The following DNAJC12 variants were observed in gnomAD, a reference collection of about 807,000 sequenced individuals.
The protein encoded by DNAJC12 is DnaJ heat shock protein family (Hsp40) member C12.
Under a neutral mutation model 28.5 loss-of-function variants are expected in DNAJC12, and 25 were observed. The observed-to-expected ratio is 0.88, with a 90% confidence interval of 0.64 to 1.22. The LOEUF (loss-of-function observed/expected upper bound fraction) is 1.22, where lower values mean the gene tolerates loss of function less well. DNAJC12 is among the 50% of genes most tolerant of loss of function. DNAJC12 has a pLI of 0.00. For synonymous variants in DNAJC12, 77 were observed against 80.6 expected (o/e 0.95, Z 0.24); for missense variants, 222 against 231.7 (o/e 0.96, Z 0.27).
chr10:67,798,957 G>A (rs1199348197), intron 4 of DNAJC12, among the ~76,000 whole-genome samples: 2 of 151,852 alleles, frequency 1.3e-5, no homozygotes, highest in Non-Finnish European at 2.9e-5. Context: ...TAGAATCGGG[G>A]TTTCTCAATG....
At chr10:67,835,765 A>G (rs1400111618) in intron 1 of DNAJC12, among the ~76,000 whole-genome samples, 2 of 149,782 alleles carry the variant, frequency 1.3e-5, no homozygotes, top group Non-Finnish European at 3.0e-5. Context: ...TAAAGAAGTG[A>G]CAATATTATG....
intron 2 of DNAJC12, among the ~76,000 whole-genome samples, chr10:67,812,658 G>A (rs1334468084): frequency 5.5e-5 from 8 of 146,554 alleles, no homozygotes; most frequent in Admixed American, 6.9e-5. Context: ...GCCTGGCCAA[G>A]ATGGTGAAAC....
At chr10:67,828,023 G>T (rs192901019) in intron 1 of DNAJC12, among the ~76,000 whole-genome samples, 46 of 152,160 alleles carry the variant, frequency 3.0e-4, no homozygotes, top group Admixed American at 7.9e-4. Flanking sequence ...TGACACCCCC[G>T]ATGTCAAGGT....
At chr10:67,804,515 T>G (rs118058869) in intron 4 of DNAJC12, among the ~76,000 whole-genome samples, 1 of 152,182 alleles carries the variant, frequency 6.6e-6, no homozygotes, top group Non-Finnish European at 1.5e-5. Context: ...TGCACAACAA[T>G]GCACCTAGAT....
At chr10:67,805,167 C>G (rs1054051348) in intron 4 of DNAJC12, among the ~76,000 whole-genome samples, 19 of 152,128 alleles carry the variant, frequency 1.2e-4, no homozygotes, top group African/African-American at 4.6e-4. Flanking sequence ...TGGCTTTAAG[C>G]AAATTATTCA....
intron 2 of DNAJC12, among the ~76,000 whole-genome samples, chr10:67,819,640 A>AAAAGAAAG (rs201466779): frequency 1.1e-4 from 15 of 138,964 alleles, no homozygotes; most frequent in African/African-American, 4.1e-4. Context: ...CTGTCACAAA[A>AAAAGAAAG]AAAGAAAGAA....
intron 2 of DNAJC12, among the ~76,000 whole-genome samples, chr10:67,812,476 G>T (rs1841870470): frequency 6.6e-6 from 1 of 152,152 alleles, no homozygotes; most frequent in South Asian, 2.1e-4. Flanking sequence ...ACCTTTTATG[G>T]CTCTGTTAGA....
At chr10:67,826,573 AAT>A (rs1842032449) in intron 1 of DNAJC12, among the ~76,000 whole-genome samples, 1 of 139,686 alleles carries the variant, frequency 7.2e-6, no homozygotes, top group African/African-American at 2.6e-5. Context: ...TAATATATAT[AAT>A]ATATATCATC....
intron 4 of DNAJC12, among the ~76,000 whole-genome samples, chr10:67,798,576 G>A (rs1162918840): frequency 6.6e-6 from 1 of 151,958 alleles, no homozygotes; most frequent in African/African-American, 2.4e-5. Context: ...CAGCTACTCA[G>A]GAGACTAAGA....
intron 2 of DNAJC12, among the ~76,000 whole-genome samples, chr10:67,814,549 G>A (rs1841895236): frequency 6.6e-6 from 1 of 152,060 alleles, no homozygotes; most frequent in Admixed American, 6.6e-5. Context: ...GTGCCTCAAA[G>A]AATACCATGA....
At chr10:67,822,202 G>A (rs1841987805) in intron 2 of DNAJC12, among the ~76,000 whole-genome samples, 1 of 152,190 alleles carries the variant, frequency 6.6e-6, no homozygotes, top group Non-Finnish European at 1.5e-5. Context: ...TGGGGCAACA[G>A]AAGAGTCACA....
At position 67,811,563 on chromosome 10, in the gene DNAJC12, T is replaced by C. The variant is rs759047670; in HGVS notation, c.258A>G (p.Pro86=). ...DHWRRSQMSM[P]FQQWEALNDS... ...CATTCAAAGCTTCCCACTGCTGGAA[T>C]GGCATCGACATCTGGCTCCTTCGCC... The change falls in exon 3 of 5, where the codon CCA becomes CCG. Residue 86 remains proline, a synonymous_variant. Coordinates refer to ENST00000225171, the MANE Select transcript of DNAJC12 (RefSeq NM_021800.3). The C allele has an allele frequency of 3.7e-6, 6 of 1,614,228 alleles. No individual in the cohort carries two copies. The highest frequency in any genetic ancestry group is 5.1e-6 in the Non-Finnish European group (6 of 1,180,036).
At chr10:67,821,704 A>G (rs572422912) in intron 2 of DNAJC12, among the ~76,000 whole-genome samples, 1 of 152,322 alleles carries the variant, frequency 6.6e-6, no homozygotes, top group Non-Finnish European at 1.5e-5. Flanking sequence ...AAAATCTGCA[A>G]TGAGAAGCAC....
At chr10:67,831,838 T>C (rs1217779351) in intron 1 of DNAJC12, among the ~76,000 whole-genome samples, 1 of 152,202 alleles carries the variant, frequency 6.6e-6, no homozygotes, top group Non-Finnish European at 1.5e-5. Flanking sequence ...AAATACTTGA[T>C]CATAGACTGA....
At chr10:67,832,989 T>C (rs1428787038) in intron 1 of DNAJC12, among the ~76,000 whole-genome samples, 1 of 152,076 alleles carries the variant, frequency 6.6e-6, no homozygotes, top group Non-Finnish European at 1.5e-5. Flanking sequence ...CATGAGAAAA[T>C]ATCAAAGTCA....
chr10:67,811,665 T>A lies in DNAJC12; in HGVS notation c.158-2A>T, dbSNP rs775029664. ...TCTGCAGTTTCTGAAAAGTCTCCAC[T>A]GGAAAACAAATCAAGAAATGAGCAC... On this transcript the variant is annotated splice_acceptor_variant, in intron 2 of 4. Transcript: ENST00000225171. LOFTEE classifies it high-confidence loss of function. 4 of 1,610,172 alleles carry A rather than the reference T, an allele frequency of 2.5e-6. No individual in the cohort carries two copies. The highest frequency in any genetic ancestry group is 3.4e-6 in the Non-Finnish European group (4 of 1,178,182).
At chr10:67,805,965 T>C (rs1437174112) in intron 3 of DNAJC12, among the ~76,000 whole-genome samples, 178 bp from the exon 4 acceptor site, 1 of 152,248 alleles carries the variant, frequency 6.6e-6, no homozygotes, top group African/African-American at 2.4e-5. Context: ...AATCCAACTA[T>C]TAATAGTTAC....
intron 4 of DNAJC12, among the ~76,000 whole-genome samples, chr10:67,797,766 C>A (rs537644512): frequency 1.3e-5 from 2 of 152,256 alleles, no homozygotes; most frequent in East Asian, 3.9e-4. Flanking sequence ...CTTTGCCAGG[C>A]GCAGTGGCTC....
Position 67,838,119 on chromosome 10 carries a change from T to C in DNAJC12, c.-108A>G. 3.0e-6 allele frequency: 2 copies of C among 670,950 alleles called. No individual in the cohort carries two copies. The highest frequency in any genetic ancestry group is 2.8e-5 in the East Asian group (1 of 35,172). 41.6% of individuals were successfully genotyped at this position (670,950 alleles called of 1,614,324 possible). A position where few individuals can be genotyped will look rare whatever the true frequency, so the allele number is the denominator to read the frequency against. ...CTGAATTAGAGCAGCATGTTCCACA[T>C]AGCAAAAACTAGCTTTAAGACTGGC... On this transcript the variant is annotated 5_prime_UTR_variant, in exon 1 of 5. An upstream start codon of the reference 5' UTR is lost. Transcript: ENST00000225171.
Sources: allele counts gnomAD v4.1 joint callset (sites outside exome capture counted in the v4.1 genomes callset), GRCh38; gene constraint gnomAD v4.1.1; transcripts MANE v1.5; gene names NCBI Gene and HGNC (gene_info 2026-07-23, HGNC 2026-07-21).